RAD54L2: variants seen among roughly 807,000 people sequenced by gnomAD.
The protein encoded by RAD54L2 is helicase ARIP4.
A neutral mutation model predicts 138.4 loss-of-function variants in RAD54L2; 27 were observed. The ratio of observed to expected loss-of-function variants is 0.20; its 90% CI spans 0.14 to 0.27. The LOEUF (loss-of-function observed/expected upper bound fraction) is 0.27, where lower values mean the gene tolerates loss of function less well. Ranked by LOEUF, RAD54L2 falls within the 10% of genes least tolerant of loss-of-function variation. The pLI is 1.00. For missense variants in RAD54L2, 1,396 were observed against 1,890.2 expected, an observed-to-expected ratio of 0.74 and a Z score of 4.85; for synonymous variants, 644 against 723.2, an observed-to-expected ratio of 0.89 and a Z score of 1.76.
At chr3:51,585,062 C>T (rs1699682947) in intron 2 of RAD54L2, among the ~76,000 whole-genome samples, 1 of 152,056 alleles carries the variant, frequency 6.6e-6, no homozygotes, top group South Asian at 2.1e-4. Context: ...TCTCCTGCCT[C>T]AGTCTCCCAA....
At chr3:51,578,958 G>T (rs1163463993) in intron 2 of RAD54L2, among the ~76,000 whole-genome samples, 1 of 152,148 alleles carries the variant, frequency 6.6e-6, no homozygotes, top group East Asian at 1.9e-4. Context: ...TATTGCTGAT[G>T]AAAGTGGCTC....
intron 7 of RAD54L2, among the ~76,000 whole-genome samples, chr3:51,633,191 G>A (rs1391154013): frequency 6.6e-6 from 1 of 152,226 alleles, no homozygotes; most frequent in Non-Finnish European, 1.5e-5. Context: ...CTGCACTCCA[G>A]CCTGGGTGAC....
rs569313491 is a variant in RAD54L2 at position 51,667,910 on chromosome 3, G to T, written c.*4490G>T. 1 of 152,348 alleles carries T rather than the reference G, an allele frequency of 6.6e-6. No homozygotes were observed. The highest frequency in any genetic ancestry group is 1.5e-5 in the Non-Finnish European group (1 of 68,076). 9.4% of individuals were successfully genotyped at this position (152,348 alleles called of 1,614,324 possible). ...TGACATAGTAATCTAGTGTGTTGGG[G>T]AGGGGTAGCCAAGCAGGCTGCAGTG... On this transcript the variant is annotated 3_prime_UTR_variant, in exon 23 of 23. Coordinates refer to ENST00000684192, the MANE Select transcript of RAD54L2 (RefSeq NM_015106.4).
rs556454535 is a variant in RAD54L2 at position 51,668,084 on chromosome 3, T to A, written c.*4664T>A. ...GCCCAGCTGTGTGTGTGTGTGTGTG[T>A]GAGTGTGTGTGTGTGTGTTTGTGTG... is the stretch of plus-strand genomic sequence containing the variant. On this transcript the variant is annotated 3_prime_UTR_variant, in exon 23 of 23. Coordinates refer to ENST00000684192, the MANE Select transcript of RAD54L2 (RefSeq NM_015106.4). The A allele has an allele frequency of 1.3e-5, 2 of 150,380 alleles. No individual in the cohort carries two copies. Among genetic ancestry groups the A allele is most frequent in the South Asian group, 2.1e-4 (1 of 4,814 alleles). The allele number at this position is 150,380 out of a possible 1,614,324, so 9.3% of individuals were successfully genotyped here.
At position 51,645,825 on chromosome 3, in the gene RAD54L2, C is replaced by T; in HGVS notation, c.2829+62C>T. ...AGTCTCTCTGTCAAAGGAGGCTTGT[C>T]TTGTAAGCTTTTTTCTTCATCTGAG... On this transcript the variant is annotated intron_variant, in intron 18 of 22. Coordinates refer to ENST00000684192, the MANE Select transcript of RAD54L2 (RefSeq NM_015106.4). The surrounding 1 kb of genome is among the most constrained non-coding windows in gnomAD (Gnocchi z 6.1). The T allele has an allele frequency of 6.8e-7, 1 of 1,480,440 alleles. No individual in the cohort carries two copies. Among genetic ancestry groups the T allele is most frequent in the Non-Finnish European group, 9.0e-7 (1 of 1,106,146 alleles). 91.7% of individuals were successfully genotyped at this position (1,480,440 alleles called of 1,614,324 possible). A position where few individuals can be genotyped will look rare whatever the true frequency, so the allele number is the denominator to read the frequency against.
chr3:51,664,508 T>C lies in RAD54L2; in HGVS notation c.*1088T>C, dbSNP rs1701872470. On this transcript the variant is annotated 3_prime_UTR_variant, in exon 23 of 23. Transcript: ENST00000684192. ...ATGTTAATTTATTTCTTATGGGCAA[T>C]TATTTATTACTTGGACTTTTCATGT... is the stretch of plus-strand genomic sequence containing the variant. 6.6e-6 allele frequency: 1 copy of C among 152,174 alleles called. No individual in the cohort carries two copies. Among genetic ancestry groups the C allele is most frequent in the Admixed American group, 6.5e-5 (1 of 15,276 alleles). 9.4% of individuals were successfully genotyped at this position (152,174 alleles called of 1,614,324 possible). A position where few individuals can be genotyped will look rare whatever the true frequency, so the allele number is the denominator to read the frequency against.
At chr3:51,567,860 T>C (rs540858462) in intron 2 of RAD54L2, among the ~76,000 whole-genome samples, 1 of 150,962 alleles carries the variant, frequency 6.6e-6, no homozygotes, top group South Asian at 2.1e-4. Flanking sequence ...GAGAATCCCT[T>C]GAGCCCAGTA....
At chr3:51,591,485 T>C (rs1432311859) in intron 3 of RAD54L2, among the ~76,000 whole-genome samples, 1 of 152,176 alleles carries the variant, frequency 6.6e-6, no homozygotes, top group Admixed American at 6.6e-5. Context: ...TCTTTACTGG[T>C]GTTTACTATC....
At chr3:51,579,631 G>A (rs4687579) in intron 2 of RAD54L2, among the ~76,000 whole-genome samples, 152,168 of 152,300 alleles carry the variant, frequency 1, 76,018 homozygotes, top group Middle Eastern at 1. Context: ...TTCCATTTAC[G>A]AACCCCGGTA....
At chr3:51,584,630 C>CTA (rs139603411) in intron 2 of RAD54L2, among the ~76,000 whole-genome samples, 3,303 of 139,892 alleles carry the variant, frequency 0.024, 104 homozygotes, top group African/African-American at 0.071. Flanking sequence ...CTCTACAGTA[C>CTA]TATATATATA....
chr3:51,593,325 CT>C (rs57001963), intron 3 of RAD54L2, among the ~76,000 whole-genome samples: 14,115 of 142,796 alleles, frequency 0.099, 835 homozygotes, highest in African/African-American at 0.18. Flanking sequence ...ACTTCAGCCC[CT>C]TTTTTTTTTT....
At chr3:51,548,801 A>G (rs1445900024) in intron 2 of RAD54L2, among the ~76,000 whole-genome samples, 2 of 150,418 alleles carry the variant, frequency 1.3e-5, no homozygotes, top group Non-Finnish European at 3.0e-5. Context: ...CTGCTCTGTC[A>G]TAGCAGCCCA....
chr3:51,644,576 C>T (rs1236213793), intron 16 of RAD54L2, among the ~76,000 whole-genome samples: 1 of 152,178 alleles, frequency 6.6e-6, no homozygotes, highest in African/African-American at 2.4e-5. Context: ...GTAGAAAGTG[C>T]AAGGTGACTG....
intron 2 of RAD54L2, among the ~76,000 whole-genome samples, 151 bp from the exon 3 acceptor site, chr3:51,590,216 C>T (rs565580188): frequency 3.9e-5 from 6 of 152,174 alleles, no homozygotes; most frequent in Non-Finnish European, 2.9e-5. Flanking sequence ...GTCTCGAACT[C>T]CTGACCTCAA....
intron 3 of RAD54L2, among the ~76,000 whole-genome samples, chr3:51,600,098 A>C (rs1310716311): frequency 1.3e-5 from 2 of 151,808 alleles, no homozygotes; most frequent in Non-Finnish European, 2.9e-5. Flanking sequence ...ATGCCTGGCT[A>C]ATTTTTGTAT....
In RAD54L2 at chr3:51,664,126, G is replaced by A. The variant is rs1324810006; in HGVS notation, c.*706G>A. On this transcript the variant is annotated 3_prime_UTR_variant, in exon 23 of 23. Coordinates refer to ENST00000684192, the MANE Select transcript of RAD54L2 (RefSeq NM_015106.4). ...TAGTGTGAACATCAGGGTGAGCCCA[G>A]AAGAGCCATGGAAATAACAAGTTTC... 1 of 152,224 alleles carries A rather than the reference G, an allele frequency of 6.6e-6. No individual in the cohort carries two copies. Among genetic ancestry groups the A allele is most frequent in the Non-Finnish European group, 1.5e-5 (1 of 68,048 alleles). 9.4% of individuals were successfully genotyped at this position (152,224 alleles called of 1,614,324 possible).
At chr3:51,567,406 C>CA (rs1160706462) in intron 2 of RAD54L2, among the ~76,000 whole-genome samples, 1 of 152,124 alleles carries the variant, frequency 6.6e-6, no homozygotes, top group African/African-American at 2.4e-5. Flanking sequence ...TGGTTTCTAC[C>CA]AGTTATTCAA....
intron 2 of RAD54L2, among the ~76,000 whole-genome samples, chr3:51,558,729 C>A (rs1360082225): frequency 2.0e-5 from 3 of 152,108 alleles, no homozygotes; most frequent in Non-Finnish European, 4.4e-5. Flanking sequence ...TCTCTGCCTC[C>A]CAAAGTGCTG....
intron 1 of RAD54L2, among the ~76,000 whole-genome samples, chr3:51,540,409 C>T (rs1337739305): frequency 1.3e-5 from 2 of 152,172 alleles, no homozygotes; most frequent in African/African-American, 2.4e-5. Context: ...ATGAATTTGG[C>T]CTGTACACTG....
Sources: gnomAD v4.1 joint callset for allele counts (sites outside exome capture counted in the v4.1 genomes callset) on GRCh38, gnomAD v4.1.1 for gene constraint, Gnocchi (gnomAD v3.1) non-coding constraint, MANE v1.5 for transcripts, NCBI Gene and HGNC (gene_info 2026-07-23, HGNC 2026-07-21) for gene names.